The following AUP1 variants were observed in gnomAD, a reference collection of about 807,000 sequenced individuals.
AUP1 encodes the protein lipid droplet-regulating VLDL assembly factor AUP1.
A neutral mutation model predicts 51.8 loss-of-function variants in AUP1; 30 were observed. The observed-to-expected ratio is 0.58, with a 90% confidence interval of 0.43 to 0.79. The LOEUF (loss-of-function observed/expected upper bound fraction) is 0.79. Ranked by LOEUF, AUP1 falls within the 30% of genes least tolerant of loss-of-function variation. The pLI, the probability that AUP1 is intolerant of heterozygous loss-of-function variation, is 0.00. For synonymous variants in AUP1, 227 were observed against 209.0 expected, an observed-to-expected ratio of 1.09 and a Z score of -0.74; for missense variants, 492 against 517.1, an observed-to-expected ratio of 0.95 and a Z score of 0.47.
In AUP1 at chr2:74,529,133, G is replaced by A. The variant is rs998050680; in HGVS notation, c.338C>T (p.Thr113Ile). The change falls in exon 3 of 12, where the codon ACC becomes ATC. Residue 113 changes from threonine (T) to isoleucine (I), a missense_variant and splice_region_variant. Coordinates refer to ENST00000377526, the MANE Select transcript of AUP1 (RefSeq NM_181575.5). ...NIVNLLTTCS[T>I]PLLNSPPSFV... ...GCTCTCGGCCTCGCTCTCACTCACGGTGCTACAGGTGGTAAGCAAATTGAC... is the reference window on the plus strand; with the variant it reads ...GCTCTCGGCCTCGCTCTCACTCACGATGCTACAGGTGGTAAGCAAATTGAC... 2.0e-5 allele frequency: 33 copies of A among 1,614,134 alleles called. No individual in the cohort carries two copies. Among genetic ancestry groups the A allele is most frequent in the Non-Finnish European group, 2.7e-5 (32 of 1,180,046 alleles).
In AUP1 at chr2:74,526,936, C is replaced by T. The variant is rs184356102; in HGVS notation, c.1196+5G>A. The T allele has an allele frequency of 1.9e-6, 3 of 1,613,894 alleles. No individual in the cohort carries two copies. The highest frequency in any genetic ancestry group is 1.7e-5 in the Admixed American group (1 of 60,020). On this transcript the variant is annotated splice_donor_5th_base_variant and intron_variant, in intron 11 of 11. Transcript: ENST00000377526. ...ATCCTATTAATTGTCCTCTAACCCC[C>T]TCACCTTCTTGCGTATTCATATAGT...
At position 74,527,775 on chromosome 2, in the gene AUP1, T is replaced by G. The variant is rs74372431; in HGVS notation, c.802A>C (p.Met268Leu). 3 of 1,614,004 alleles carry G rather than the reference T, an allele frequency of 1.9e-6. No individual in the cohort carries two copies. Among genetic ancestry groups the G allele is most frequent in the Non-Finnish European group, 8.5e-7 (1 of 1,179,990 alleles). ...RLTPADKAEHMKRQRHPRLRP... is the reference protein window; with the variant it reads ...RLTPADKAEHLKRQRHPRLRP... Reference sequence around the variant, plus strand: ...AATCTGGGGTGTCTTTGTCGCTTCATGTGCTCTGCTTTGTCAGCTGGAGTG... The same window carrying G: ...AATCTGGGGTGTCTTTGTCGCTTCAGGTGCTCTGCTTTGTCAGCTGGAGTG... The change falls in exon 8 of 12, where the codon ATG becomes CTG. Residue 268 changes from methionine (M) to leucine (L), a missense_variant. Transcript: ENST00000377526.
rs775115870 is a variant in AUP1 at position 74,529,198 on chromosome 2, G to A, written c.273C>T (p.Val91=). 7.4e-6 allele frequency: 12 copies of A among 1,614,212 alleles called. No homozygotes were observed. In the East Asian group the frequency reaches 8.9e-5, roughly 12 times the overall value. The change falls in exon 3 of 12, where the codon GTC becomes GTT. Residue 91 remains valine (V), a synonymous_variant. Transcript: ENST00000377526. The part of the protein sequence containing the change: ...DSGLRDHSVR[V]LISNHVTPFD... ...AAGGTGTCACATGGTTGGAAATGAG[G>A]ACCCTGACACTGTGATCCCGGAGTC...
Position 74,529,431 on chromosome 2 carries a change from A to T in AUP1, c.119T>A (p.Val40Asp). The T allele has an allele frequency of 6.3e-7, 1 of 1,580,568 alleles. No individual in the cohort carries two copies. Among genetic ancestry groups the T allele is most frequent in the Non-Finnish European group, 8.6e-7 (1 of 1,162,344 alleles). ...GTGGATCCCGAGAAAGAGGCGCAGGACGAGGAGGCAGAACCCGACTGGCGC... is the reference window on the plus strand; with the variant it reads ...GTGGATCCCGAGAAAGAGGCGCAGGTCGAGGAGGCAGAACCCGACTGGCGC... ...LYAPVGFCLL[V>D]LRLFLGIHVF... The change falls in exon 2 of 12, where the codon GTC becomes GAC. Residue 40 changes from valine to aspartate, a missense_variant. Physicochemically the swap from Val to Asp is radical, Grantham distance 152. Transcript: ENST00000377526.
Position 74,529,406 on chromosome 2 carries a change from G to T in AUP1, c.144C>A (p.His48Gln). Residue 48 changes from histidine (H) to glutamine (Q), a missense_variant, in exon 2 of 12, where the codon CAC (histidine) becomes CAA (glutamine). His to Gln is a conservative substitution (Grantham distance 24, BLOSUM62 0). Coordinates refer to ENST00000377526, the MANE Select transcript of AUP1 (RefSeq NM_181575.5). The part of the protein sequence containing the change: ...LLVLRLFLGI[H>Q]VFLVSCALPD... ...GCAGCGCGCAGCTGACCAGGAAGACGTGGATCCCGAGAAAGAGGCGCAGGA... is the reference window on the plus strand; with the variant it reads ...GCAGCGCGCAGCTGACCAGGAAGACTTGGATCCCGAGAAAGAGGCGCAGGA... 3 of 1,600,248 alleles carry T rather than the reference G, an allele frequency of 1.9e-6. No individual in the cohort carries two copies. Among genetic ancestry groups the T allele is most frequent in the Non-Finnish European group, 2.6e-6 (3 of 1,173,118 alleles).
rs761343619 is a variant in AUP1 at position 74,527,987 on chromosome 2, G to A, written c.691C>T (p.Arg231Cys). Residue 231 changes from arginine (R) to cysteine (C), a missense_variant, in exon 7 of 12, where the codon CGC (arginine) becomes TGC (cysteine). Arg to Cys is a radical substitution (Grantham distance 180). Transcript: ENST00000377526. ...YQVRWLRPVH[R>C]QLGEANEEFA... Reference sequence around the variant, plus strand: ...TCCTCATTCGCTTCCCCTAGTTGGCGATGAACAGGACGAAGCCACCTGCAA... The same window carrying A: ...TCCTCATTCGCTTCCCCTAGTTGGCAATGAACAGGACGAAGCCACCTGCAA... 14 of 1,614,214 alleles carry A rather than the reference G, an allele frequency of 8.7e-6. No homozygotes were observed. Among genetic ancestry groups the A allele is most frequent in the Non-Finnish European group, 1.1e-5 (13 of 1,180,044 alleles).
rs1421112405 is a variant in AUP1 at position 74,527,564 on chromosome 2, CA to C, written c.867del (p.Gly290ValfsTer37). 4 of 1,610,950 alleles carry C rather than the reference CA, an allele frequency of 2.5e-6. No individual in the cohort carries two copies. The highest frequency in any genetic ancestry group is 3.4e-6 in the Non-Finnish European group (4 of 1,179,244). On this transcript the variant is annotated frameshift_variant, in exon 9 of 12. Transcript: ENST00000377526. LOFTEE classifies it high-confidence loss of function. ...QSAQSSFPPS[P>X]GPSPDVQLAT... ...GCCAGTTGCACATCAGGAGAAGGACCAGGGGAGGGAGGGAAAGAAGACTGGG... is the reference window on the plus strand; with the variant it reads ...GCCAGTTGCACATCAGGAGAAGGACCGGGGAGGGAGGGAAAGAAGACTGGG...
In AUP1 at chr2:74,529,683, G is replaced by A. The variant is rs374306906; in HGVS notation, c.-54C>T. The A allele has an allele frequency of 6.2e-5, 95 of 1,540,590 alleles. No individual in the cohort carries two copies. The highest frequency in any genetic ancestry group is 6.0e-4 in the South Asian group (50 of 83,858). On this transcript the variant is annotated 5_prime_UTR_variant, in exon 1 of 12. Coordinates refer to ENST00000377526, the MANE Select transcript of AUP1 (RefSeq NM_181575.5). ...CGCCGCCGCCGCCATTTTCGCGCCC[G>A]GCCGCAGGGGCTCTTGGGAAGGCGG...
intron 1 of AUP1, 22 bp from the exon 2 acceptor site, chr2:74,529,521 G>A: frequency 2.6e-6 from 4 of 1,548,916 alleles, no homozygotes; most frequent in Admixed American, 1.9e-5. Flanking sequence ...AGGCGAAGTG[G>A]TCAGGCGCCG....
chr2:74,528,128 G>A (rs1675288048), intron 6 of AUP1, 120 bp downstream of exon 6: 3 of 1,476,470 alleles, frequency 2.0e-6, no homozygotes, highest in Non-Finnish European at 2.8e-6. Flanking sequence ...AATACTTTGT[G>A]TTGCCTCTGT....
chr2:74,528,205 G>A lies in AUP1; in HGVS notation c.671+43C>T, dbSNP rs139159726. 78 of 1,576,892 alleles carry A rather than the reference G, an allele frequency of 4.9e-5. No individual in the cohort carries two copies. The African/African-American group carries it at 9.8e-4, about 20-fold the overall frequency. On this transcript the variant is annotated intron_variant, in intron 6 of 11. Coordinates refer to ENST00000377526, the MANE Select transcript of AUP1 (RefSeq NM_181575.5). ...AGGCCACTAATTCCTTGACCTTGAG[G>A]TGAGCCTCTCCCCAGCGACCAAAAT...
intron 10 of AUP1, 76 bp from the exon 11 acceptor site, chr2:74,527,135 G>A (rs776338193): frequency 6.2e-7 from 1 of 1,610,818 alleles, no homozygotes; most frequent in African/African-American, 1.3e-5. Flanking sequence ...CTTTGCAAGA[G>A]AGGCACTATG....
Position 74,529,465 on chromosome 2 carries a change from G to C in AUP1, c.85C>G (p.Leu29Val), listed in dbSNP as rs755468782. ...CAGAACCCGACTGGCGCGTAGAGCA[G>C]CAGCACGAGCAGTAGGAAGCAGTCA... ...PGDCFLLLVL[L>V]LYAPVGFCLL... The change falls in exon 2 of 12, where the codon CTG (leucine) becomes GTG (valine). Residue 29 changes from leucine (L) to valine (V), a missense_variant. Transcript: ENST00000377526. The C allele has an allele frequency of 6.4e-7, 1 of 1,561,030 alleles. No homozygotes were observed. Among genetic ancestry groups the C allele is most frequent in the East Asian group, 2.4e-5 (1 of 41,784 alleles).
At chr2:74,529,072 G>T in intron 3 of AUP1, 60 bp downstream of exon 3, 1 of 1,612,752 alleles carries the variant, frequency 6.2e-7, no homozygotes, top group Non-Finnish European at 8.5e-7. Flanking sequence ...GGGACAGGGG[G>T]GCCTTCAGCT....
At chr2:74,528,679 G>A (rs1675324880) in intron 4 of AUP1, 72 bp downstream of exon 4, 1 of 1,510,620 alleles carries the variant, frequency 6.6e-7, no homozygotes, top group African/African-American at 1.4e-5. Context: ...GCCGAAGAAA[G>A]TTGTAAAAAC....
intron 3 of AUP1, 59 bp downstream of exon 3, chr2:74,529,073 G>C: frequency 6.2e-7 from 1 of 1,612,720 alleles, no homozygotes; most frequent in Non-Finnish European, 8.5e-7. Flanking sequence ...GGACAGGGGG[G>C]CCTTCAGCTG....
In AUP1 at chr2:74,527,048, A is replaced by G; in HGVS notation, c.1089T>C (p.Ser363=). The part of the protein sequence containing the change: ...PTASASKFPS[S]GPVTPQPTAL... ...CTGTTGGCTGAGGGGTCACCGGGCCAGAGCTGGGAAACTGAGGTGATCACA... is the reference window on the plus strand; with the variant it reads ...CTGTTGGCTGAGGGGTCACCGGGCCGGAGCTGGGAAACTGAGGTGATCACA... Residue 363 remains serine (S), a synonymous_variant, in exon 11 of 12, where the codon TCT becomes TCC. Coordinates refer to ENST00000377526, the MANE Select transcript of AUP1 (RefSeq NM_181575.5). 1 of 1,614,222 alleles carries G rather than the reference A, an allele frequency of 6.2e-7. No homozygotes were observed. Among genetic ancestry groups the G allele is most frequent in the African/African-American group, 1.3e-5 (1 of 75,070 alleles).
Position 74,527,769 on chromosome 2 carries a change from G to A in AUP1, c.808C>T (p.Arg270Ter), listed in dbSNP as rs1675264265. ...GGGCGCAATCTGGGGTGTCTTTGTC[G>A]CTTCATGTGCTCTGCTTTGTCAGCT... Reference protein sequence around the residue: ...TPADKAEHMKRQRHPRLRPQS... With the variant: ...TPADKAEHMK The change falls in exon 8 of 12, where the codon CGA (arginine) becomes TGA (stop). Residue 270 changes from arginine (R) to a stop codon, truncating the protein, a stop_gained. Coordinates refer to ENST00000377526, the MANE Select transcript of AUP1 (RefSeq NM_181575.5). LOFTEE classifies it high-confidence loss of function. 1.9e-6 allele frequency: 3 copies of A among 1,613,964 alleles called. No homozygotes were observed. The highest frequency in any genetic ancestry group is 2.2e-5 in the East Asian group (1 of 44,878).
rs368530188 is a variant in AUP1, at chr2:74,529,472, G to A, written c.78C>T (p.Leu26=). The A allele has an allele frequency of 6.4e-6, 10 of 1,559,860 alleles. No homozygotes were observed. Among genetic ancestry groups the A allele is most frequent in the South Asian group, 2.3e-5 (2 of 85,148 alleles). The change falls in exon 2 of 12, where the codon CTC becomes CTT. Residue 26 remains leucine (L), a synonymous_variant. Transcript: ENST00000377526. The stretch of plus-strand genomic sequence containing the variant: ...CGACTGGCGCGTAGAGCAGCAGCAC[G>A]AGCAGTAGGAAGCAGTCACCCGGAA... ...HRLPGDCFLL[L]VLLLYAPVGF... is the part of the protein sequence containing the mutation.
Sources: gnomAD v4.1 joint callset for allele counts on GRCh38, gnomAD v4.1.1 for gene constraint, MANE v1.5 for transcripts, NCBI Gene and HGNC (gene_info 2026-07-23, HGNC 2026-07-21) for gene names.